Variants in CFAP20DC observed in about 807,000 individuals in gnomAD.
CFAP20DC encodes the protein CFAP20 domain containing.
Under a neutral mutation model 101.7 loss-of-function variants are expected in CFAP20DC, and 84 were observed. That is an observed-to-expected ratio of 0.83 (90% confidence interval 0.69 to 0.99). The LOEUF is 0.99. Among genes scored for constraint, CFAP20DC ranks in the 50% least tolerant of loss-of-function variants. The pLI, the probability that CFAP20DC is intolerant of heterozygous loss-of-function variation, is 0.00. For synonymous variants in CFAP20DC, 359 were observed against 351.2 expected, an observed-to-expected ratio of 1.02 and a Z score of -0.25; for missense variants, 1,007 against 970.3, an observed-to-expected ratio of 1.04 and a Z score of -0.50.
chr3:58,759,726 G>A (rs1044724151), intron 15 of CFAP20DC, among the ~76,000 whole-genome samples: 25 of 152,322 alleles, frequency 1.6e-4, no homozygotes, highest in Non-Finnish European at 2.9e-4. Context: ...GTGCAAGGAA[G>A]GGATCCAATT....
intron 15 of CFAP20DC, among the ~76,000 whole-genome samples, chr3:58,796,371 G>C (rs141331732): frequency 1.3e-5 from 2 of 152,168 alleles, no homozygotes; most frequent in Non-Finnish European, 2.9e-5. Context: ...GATGATTCTC[G>C]AGGGATTCAG....
At chr3:58,763,307 C>G (rs1452485637) in intron 15 of CFAP20DC, among the ~76,000 whole-genome samples, 2 of 145,690 alleles carry the variant, frequency 1.4e-5, no homozygotes, top group Non-Finnish European at 3.0e-5. Context: ...ATCACTGACA[C>G]CCTTTCTTCC....
In CFAP20DC at chr3:58,780,814, T is replaced by C. The variant is rs2071760133; in HGVS notation, c.2237+25581A>G. On this transcript the variant is annotated intron_variant, in intron 15 of 16. Coordinates refer to ENST00000482387, the MANE Select transcript of CFAP20DC (RefSeq NM_001394063.1). ...ATATTACTAAATCTAAAGGGAGAGA[T>C]AGACTCCAATATAATAATAGCTGGG... Among the ~76,000 whole-genome samples the C allele has an allele frequency of 2.6e-5, 4 of 151,938 alleles. No homozygotes were observed. In the South Asian group the frequency reaches 6.2e-4, roughly 24 times the overall value.
intron 4 of CFAP20DC, chr3:59,017,937 G>C (rs1222316150): frequency 6.6e-6 from 1 of 152,124 alleles, no homozygotes; most frequent in Non-Finnish European, 1.5e-5. Context: ...ACAGAGTGCA[G>C]CCCAGTCTAG....
intron 15 of CFAP20DC, among the ~76,000 whole-genome samples, chr3:58,802,051 T>C (rs1047754416): frequency 1.3e-5 from 2 of 152,190 alleles, no homozygotes; most frequent in African/African-American, 2.4e-5. Context: ...GTTGTAAAAA[T>C]AGCAAGTATA....
intron 14 of CFAP20DC, among the ~76,000 whole-genome samples, chr3:58,826,646 C>G (rs1030353085): frequency 2.6e-5 from 4 of 152,136 alleles, no homozygotes; most frequent in African/African-American, 9.7e-5. Context: ...CATCCGTAAA[C>G]AAGGAATTTT....
At chr3:58,936,650 C>T (rs1011174538) in intron 5 of CFAP20DC, among the ~76,000 whole-genome samples, 2 of 152,182 alleles carry the variant, frequency 1.3e-5, no homozygotes, top group Non-Finnish European at 2.9e-5. Flanking sequence ...TGGAAACCAT[C>T]ATTCTCAGTA....
Position 58,793,769 on chromosome 3 carries a change from T to C in CFAP20DC, c.2237+12626A>G, listed in dbSNP as rs13316341. ...AATGTCACTGTTTAATTGAAAGCAA[T>C]ACTGTGATTTTACTTAAGCTGAGAC... is the stretch of plus-strand genomic sequence containing the variant. On this transcript the variant is annotated intron_variant, in intron 15 of 16. Coordinates refer to ENST00000482387, the MANE Select transcript of CFAP20DC (RefSeq NM_001394063.1). Among the ~76,000 whole-genome samples, 1,510 of 152,252 alleles carry C rather than the reference T, an allele frequency of 9.9e-3. 23 individuals carry two copies. The highest frequency in any genetic ancestry group is 0.035 in the African/African-American group (1,461 of 41,548).
At chr3:58,987,407 T>C (rs933047874) in intron 4 of CFAP20DC, among the ~76,000 whole-genome samples, 2 of 151,932 alleles carry the variant, frequency 1.3e-5, no homozygotes, top group Admixed American at 1.3e-4. Context: ...AAAAGTAAGA[T>C]TAAGCTTCCT....
downstream of CFAP20DC, among the ~76,000 whole-genome samples, chr3:58,740,740 C>T (rs2067862241): frequency 6.6e-6 from 1 of 151,956 alleles, no homozygotes; most frequent in Non-Finnish European, 1.5e-5. The surrounding 1 kb of genome is among the most constrained non-coding windows in gnomAD (Gnocchi z 4.6). Flanking sequence ...TACAAGTCTT[C>T]ACGAATATAA....
At chr3:58,930,367 T>C (rs2086476395) in intron 5 of CFAP20DC, among the ~76,000 whole-genome samples, 1 of 152,216 alleles carries the variant, frequency 6.6e-6, no homozygotes, top group Non-Finnish European at 1.5e-5. Flanking sequence ...AGCACAGAAC[T>C]GACTGTGTGG....
In CFAP20DC at chr3:59,015,585, A is replaced by C. The variant is rs558321749; in HGVS notation, c.278+23972T>G. Among the ~76,000 whole-genome samples the C allele has an allele frequency of 1.3e-5, 2 of 152,024 alleles. No individual in the cohort carries two copies. The highest frequency in any genetic ancestry group is 2.9e-5 in the Non-Finnish European group (2 of 67,954). Reference sequence around the variant, plus strand: ...AGGAGGGTTGGAGGGTGGAGGAGGAAGAAGGGCTATAGATCCCTAGAAACA... The same window carrying C: ...AGGAGGGTTGGAGGGTGGAGGAGGACGAAGGGCTATAGATCCCTAGAAACA... On this transcript the variant is annotated intron_variant, in intron 4 of 16. Transcript: ENST00000482387. This position sits in a 1 kb window ranked among gnomAD's most constrained non-coding sequence, Gnocchi z 5.4.
chr3:58,761,943 T>C (rs1247879594), intron 15 of CFAP20DC, among the ~76,000 whole-genome samples: 1 of 151,944 alleles, frequency 6.6e-6, no homozygotes, highest in Non-Finnish European at 1.5e-5. Flanking sequence ...TGCTGAGGAG[T>C]GCTTTACTTC....
chr3:58,743,359 G>A (rs1468229743), intron 16 of CFAP20DC, among the ~76,000 whole-genome samples: 1 of 152,106 alleles, frequency 6.6e-6, no homozygotes, highest in East Asian at 1.9e-4. Flanking sequence ...GTATTCAAAA[G>A]TGAGTGCATT....
chr3:58,730,601 T>G (rs1173739185), intron 3 of CFAP20DC, among the ~76,000 whole-genome samples: 1 of 152,190 alleles, frequency 6.6e-6, no homozygotes, highest in Non-Finnish European at 1.5e-5. Context: ...TCAAAGCGTC[T>G]TTCCAAGTTT....
chr3:58,850,368 C>T (rs149419184), intron 12 of CFAP20DC, among the ~76,000 whole-genome samples: 295 of 152,176 alleles, frequency 1.9e-3, no homozygotes, highest in African/African-American at 6.9e-3. Context: ...AGGTGGATCA[C>T]CTGAGGTCGG....
intron 11 of CFAP20DC, among the ~76,000 whole-genome samples, chr3:58,865,579 C>T (rs192689253): frequency 5.8e-4 from 89 of 152,290 alleles, no homozygotes; most frequent in Non-Finnish European, 1.1e-3. Flanking sequence ...GTGAACTCAA[C>T]GGATTCACTG....
chr3:58,981,818 C>T (rs1274999559), intron 4 of CFAP20DC, among the ~76,000 whole-genome samples: 1 of 152,142 alleles, frequency 6.6e-6, no homozygotes, highest in Non-Finnish European at 1.5e-5. Flanking sequence ...ATGTCTAAAA[C>T]ACCAAAAGCA....
chr3:58,801,241 A>T lies in CFAP20DC; in HGVS notation c.2237+5154T>A, dbSNP rs139123449. ...GGAATGAGATTATGAAAGAAGAGGT[A>T]ATGAATCTTTTCCTAGTTGAAGCCA... On this transcript the variant is annotated intron_variant, in intron 15 of 16. Transcript: ENST00000482387. Among the ~76,000 whole-genome samples the T allele has an allele frequency of 2.2e-3, 333 of 152,276 alleles. 4 individuals carry two copies. The highest frequency in any genetic ancestry group is 7.7e-3 in the African/African-American group (318 of 41,560).
Sources: allele counts gnomAD v4.1 joint callset (sites outside exome capture counted in the v4.1 genomes callset), GRCh38; gene constraint gnomAD v4.1.1; non-coding constraint Gnocchi (gnomAD v3.1); transcripts MANE v1.5; gene names NCBI Gene and HGNC (gene_info 2026-07-23, HGNC 2026-07-21).